RRAGD: variants seen among roughly 807,000 people sequenced by gnomAD.
RRAGD encodes Ras related GTP binding D.
In RRAGD, 12 loss-of-function variants were observed where a neutral mutation model predicts 35.5. The observed-to-expected ratio is 0.34, with a 90% confidence interval of 0.22 to 0.55. The LOEUF (loss-of-function observed/expected upper bound fraction) is 0.55, where lower values mean the gene tolerates loss of function less well. Among genes scored for constraint, RRAGD ranks in the 20% least tolerant of loss-of-function variants. The probability of loss-of-function intolerance (pLI) is 0.91; values close to 1 mark genes in which losing one functional copy is unlikely to be tolerated. For missense variants in RRAGD, 324 were observed against 490.1 expected (o/e 0.66, Z 3.20); for synonymous variants, 155 against 178.9 (o/e 0.87, Z 1.07).
At chr6:89,395,163 G>A (rs765750725) in intron 1 of RRAGD, among the ~76,000 whole-genome samples, 1 of 152,218 alleles carries the variant, frequency 6.6e-6, no homozygotes, top group South Asian at 2.1e-4. Context: ...GAAGGCTGAG[G>A]TGGGAGGATC....
At chr6:89,406,482 G>A (rs1328666141) in intron 1 of RRAGD, among the ~76,000 whole-genome samples, 1 of 151,862 alleles carries the variant, frequency 6.6e-6, no homozygotes, top group Non-Finnish European at 1.5e-5. Flanking sequence ...CGAGAGGAGT[G>A]GATTGGTGGA....
At position 89,380,177 on chromosome 6, in the gene RRAGD, A is replaced by T. The variant is rs1400771421; in HGVS notation, c.635T>A (p.Ile212Asn). Residue 212 changes from isoleucine (I) to asparagine (N), a missense_variant, in exon 3 of 7, where the codon ATT becomes AAT. By Grantham distance (149) the Ile-to-Asn change is moderately radical. Coordinates refer to ENST00000369415, the MANE Select transcript of RRAGD (RefSeq NM_021244.5). ...GGGTTTCTGTTCTCACCTGAGGTGA[A>T]TTTTTTCTAATCCAGCATCTGCAAG... The part of the protein sequence containing the change: ...DDLADAGLEK[I>N]HLSFYLTSIY... The T allele has an allele frequency of 2.5e-6, 4 of 1,613,976 alleles. No homozygotes were observed. The highest frequency in any genetic ancestry group is 3.4e-6 in the Non-Finnish European group (4 of 1,180,016).
At chr6:89,377,902 T>TA in intron 4 of RRAGD, 89 bp from the exon 5 acceptor site, 1 of 975,366 alleles carries the variant, frequency 1.0e-6, no homozygotes, top group Non-Finnish European at 1.5e-6. Flanking sequence ...ATTCTTAATG[T>TA]AAAATACAAA....
chr6:89,380,059 A>G (rs1409246293), intron 3 of RRAGD, 109 bp downstream of exon 3: 2 of 906,422 alleles, frequency 2.2e-6, no homozygotes, highest in South Asian at 1.5e-5. Context: ...GAAACAGGGT[A>G]AAAAGAAGGT....
Position 89,377,541 on chromosome 6 carries a change from A to T in RRAGD, c.902+130T>A, listed in dbSNP as rs1420770555. The stretch of plus-strand genomic sequence containing the variant: ...GTTATTATTGCATGCTAACTGGTAT[A>T]TTTATTTATAGATTTCAGTCATTTA... On this transcript the variant is annotated intron_variant, in intron 5 of 6. Transcript: ENST00000369415. 4 of 805,350 alleles carry T rather than the reference A, an allele frequency of 5.0e-6. No homozygotes were observed. In the East Asian group the frequency reaches 1.1e-4, roughly 23 times the overall value. 49.9% of individuals were successfully genotyped at this position (805,350 alleles called of 1,614,324 possible).
chr6:89,372,349 G>C (rs1228076210), intron 6 of RRAGD, 88 bp downstream of exon 6: 1 of 1,403,508 alleles, frequency 7.1e-7, no homozygotes, highest in Admixed American at 2.3e-5. Context: ...GGGCTATGCT[G>C]TTGTCCACCC....
intron 1 of RRAGD, among the ~76,000 whole-genome samples, chr6:89,410,543 C>T (rs1309367268): frequency 1.3e-5 from 2 of 152,138 alleles, no homozygotes; most frequent in Non-Finnish European, 2.9e-5. Context: ...ACCGGGAGTG[C>T]AGAAGACAGA....
chr6:89,390,051 T>A (rs563162343), intron 1 of RRAGD, among the ~76,000 whole-genome samples: 1 of 152,336 alleles, frequency 6.6e-6, no homozygotes, highest in Non-Finnish European at 1.5e-5. Context: ...AACATCTAAG[T>A]TGAAGAGCTA....
chr6:89,378,298 G>A (rs1327840273), intron 4 of RRAGD, among the ~76,000 whole-genome samples: 9 of 140,872 alleles, frequency 6.4e-5, no homozygotes, highest in South Asian at 2.2e-4. Flanking sequence ...GCAAAACTCC[G>A]TCTCAAAAAA....
chr6:89,408,923 A>T (rs1026975660), intron 1 of RRAGD, among the ~76,000 whole-genome samples: 1 of 152,034 alleles, frequency 6.6e-6, no homozygotes, highest in Non-Finnish European at 1.5e-5. Context: ...TTTTATCTGG[A>T]GTGTGGGGAT....
chr6:89,394,705 AT>A (rs1200016259), intron 1 of RRAGD, among the ~76,000 whole-genome samples: 1 of 151,928 alleles, frequency 6.6e-6, no homozygotes, highest in Non-Finnish European at 1.5e-5. Flanking sequence ...ATAGTTAAGT[AT>A]TTTTTTTAAT....
At chr6:89,397,546 G>A (rs1156774443) in intron 1 of RRAGD, among the ~76,000 whole-genome samples, 2 of 151,850 alleles carry the variant, frequency 1.3e-5, no homozygotes. Flanking sequence ...GGAGCTTGCA[G>A]TGAGCCGAGA....
At chr6:89,385,199 C>T (rs1409659062) in intron 2 of RRAGD, among the ~76,000 whole-genome samples, 2 of 152,220 alleles carry the variant, frequency 1.3e-5, no homozygotes, top group East Asian at 1.9e-4. Flanking sequence ...TTAGAAACAC[C>T]TAAAAATAGA....
chr6:89,395,032 G>A (rs1193192211), intron 1 of RRAGD, among the ~76,000 whole-genome samples: 1 of 152,118 alleles, frequency 6.6e-6, no homozygotes, highest in Non-Finnish European at 1.5e-5. Flanking sequence ...TGAGGTGGGA[G>A]GATCACTTGA....
chr6:89,412,094 G>A lies in RRAGD; in HGVS notation c.-101C>T. ...CAGCCTATTTCTGAAGCGGAGGTTT[G>A]TCTAGAGCTCAGCGGGGCCCGGCGG... On this transcript the variant is annotated 5_prime_UTR_variant, in exon 1 of 7. Transcript: ENST00000369415. This position sits in a 1 kb window ranked among gnomAD's most constrained non-coding sequence, Gnocchi z 4.2. 3 of 1,208,936 alleles carry A rather than the reference G, an allele frequency of 2.5e-6. No homozygotes were observed. The highest frequency in any genetic ancestry group is 3.2e-6 in the Non-Finnish European group (3 of 923,944). 74.9% of individuals were successfully genotyped at this position (1,208,936 alleles called of 1,614,324 possible). A position where few individuals can be genotyped will look rare whatever the true frequency, so the allele number is the denominator to read the frequency against.
chr6:89,386,442 G>A (rs757282901), intron 2 of RRAGD, among the ~76,000 whole-genome samples: 7 of 152,160 alleles, frequency 4.6e-5, no homozygotes, highest in African/African-American at 1.4e-4. Flanking sequence ...AATGACTCGC[G>A]ACTGGGAATG....
rs560822920 is a variant in RRAGD, at chr6:89,377,571, A to G, written c.902+100T>C. The G allele has an allele frequency of 2.2e-4, 242 of 1,117,206 alleles. 2 individuals are homozygous for G. In the African/African-American group the frequency reaches 3.5e-3, roughly 16 times the overall value. 69.2% of individuals were successfully genotyped at this position (1,117,206 alleles called of 1,614,324 possible). A position where few individuals can be genotyped will look rare whatever the true frequency, so the allele number is the denominator to read the frequency against. On this transcript the variant is annotated intron_variant, in intron 5 of 6. Coordinates refer to ENST00000369415, the MANE Select transcript of RRAGD (RefSeq NM_021244.5). ...TTTATAGATTTCAGTCATTTAAGAC[A>G]AAAATGTTAAAGTTAAGTAAGTAAA...
In RRAGD at chr6:89,401,399, G is replaced by A. The variant is rs574213041; in HGVS notation, c.148+10447C>T. 6.6e-5 allele frequency among the ~76,000 whole-genome samples: 10 copies of A among 151,916 alleles called. No individual in the cohort carries two copies. In the South Asian group the frequency reaches 1.7e-3, roughly 25 times the overall value. Reference sequence around the variant, plus strand: ...CAGTCTCCTGAGTAGCTAGGATTACGGGCGCCTGACACCACACTCAGCTAA... The same window carrying A: ...CAGTCTCCTGAGTAGCTAGGATTACAGGCGCCTGACACCACACTCAGCTAA... On this transcript the variant is annotated intron_variant, in intron 1 of 6. Transcript: ENST00000369415.
intron 1 of RRAGD, among the ~76,000 whole-genome samples, chr6:89,396,421 T>TTTTA (rs10647549): frequency 0.068 from 10,364 of 151,464 alleles, 853 homozygotes; most frequent in East Asian, 0.27. Context: ...CTCAATTTTA[T>TTTTA]TTTATTTATT....
Sources: gnomAD v4.1 joint callset for allele counts (sites outside exome capture counted in the v4.1 genomes callset) on GRCh38, gnomAD v4.1.1 for gene constraint, Gnocchi (gnomAD v3.1) non-coding constraint, MANE v1.5 for transcripts, NCBI Gene and HGNC (gene_info 2026-07-23, HGNC 2026-07-21) for gene names.